The following ATAD1 variants were observed in gnomAD, a reference collection of about 807,000 sequenced individuals.
ATAD1 encodes ATPase family AAA domain containing 1.
Under a neutral mutation model 42.7 loss-of-function variants are expected in ATAD1, and 18 were observed. The observed-to-expected ratio is 0.42, with a 90% CI of 0.29 to 0.63. The LOEUF (loss-of-function observed/expected upper bound fraction) is 0.63. Among genes scored for constraint, ATAD1 ranks in the 20% least tolerant of loss-of-function variants. The probability of loss-of-function intolerance (pLI) is 0.19; values close to 1 mark genes in which losing one functional copy is unlikely to be tolerated. For missense variants in ATAD1, 294 were observed against 440.4 expected, an observed-to-expected ratio of 0.67 and a Z score of 2.98; for synonymous variants, 132 against 143.1, an observed-to-expected ratio of 0.92 and a Z score of 0.55.
At chr10:87,760,460 T>C (rs558097145) in intron 8 of ATAD1, among the ~76,000 whole-genome samples, 3 of 152,360 alleles carry the variant, frequency 2.0e-5, no homozygotes, top group South Asian at 4.1e-4. Flanking sequence ...CTCCCAGCCA[T>C]GCTTCCTGTA....
chr10:87,820,723 C>A (rs1355999379), upstream of ATAD1, among the ~76,000 whole-genome samples: 1 of 152,210 alleles, frequency 6.6e-6, no homozygotes, highest in South Asian at 2.1e-4. Context: ...ATGCCTACAC[C>A]TATATGTTTT....
At position 87,817,945 on chromosome 10, in the gene ATAD1, C is replaced by A. The variant is rs73354903; in HGVS notation, c.-14+222G>T. Reference sequence around the variant, plus strand: ...AAGAGCTAAGCAGACCCTAAGGGCCCAGGCCGGGCCGGACGCCAAGGCGAG... The same window carrying A: ...AAGAGCTAAGCAGACCCTAAGGGCCAAGGCCGGGCCGGACGCCAAGGCGAG... On this transcript the variant is annotated intron_variant, in intron 1 of 9. Transcript: ENST00000680024. The A allele has an allele frequency of 1.2e-3, 1,206 of 985,572 alleles. 8 individuals are homozygous for A. In the African/African-American group the frequency reaches 0.02, roughly 16 times the overall value. 61.1% of individuals were successfully genotyped at this position (985,572 alleles called of 1,614,324 possible). A position where few individuals can be genotyped will look rare whatever the true frequency, so the allele number is the denominator to read the frequency against.
chr10:87,771,217 C>T (rs550857030), intron 6 of ATAD1, among the ~76,000 whole-genome samples, 176 bp from the exon 7 acceptor site: 2 of 151,992 alleles, frequency 1.3e-5, no homozygotes, highest in African/African-American at 4.8e-5. Flanking sequence ...GAAGTTAATC[C>T]TAAATAAATC....
At position 87,785,129 on chromosome 10, in the gene ATAD1, T is replaced by C. The variant is rs557012783; in HGVS notation, c.383-459A>G. ...GTTTTAGCCAAAGGACATGTGCCTTTTTCCAAACAATCTTTTCCTAAAAGA... is the reference window on the plus strand; with the variant it reads ...GTTTTAGCCAAAGGACATGTGCCTTCTTCCAAACAATCTTTTCCTAAAAGA... On this transcript the variant is annotated intron_variant, in intron 4 of 9. Transcript: ENST00000680024. Among the ~76,000 whole-genome samples, 223 of 152,334 alleles carry C rather than the reference T, an allele frequency of 1.5e-3. 1 individual carries two copies. Among genetic ancestry groups the C allele is most frequent in the African/African-American group, 5.1e-3 (212 of 41,582 alleles).
At chr10:87,757,600 G>T (rs1854283594) in intron 8 of ATAD1, among the ~76,000 whole-genome samples, 1 of 152,108 alleles carries the variant, frequency 6.6e-6, no homozygotes, top group South Asian at 2.1e-4. Flanking sequence ...TTCATTTTCA[G>T]ATAAGAATCA....
chr10:87,799,833 T>C (rs1373195075), intron 2 of ATAD1, among the ~76,000 whole-genome samples: 1 of 151,826 alleles, frequency 6.6e-6, no homozygotes, highest in Non-Finnish European at 1.5e-5. Context: ...ACAATTTTTG[T>C]CTAATTCAAT....
chr10:87,756,732 A>T, intron 9 of ATAD1, 57 bp downstream of exon 9: 1 of 1,447,902 alleles, frequency 6.9e-7, no homozygotes, highest in Non-Finnish European at 9.2e-7. Flanking sequence ...AAAGAAACTA[A>T]CCTAAAAGCT....
At chr10:87,780,116 G>C in intron 5 of ATAD1, among the ~76,000 whole-genome samples, 1 of 152,146 alleles carries the variant, frequency 6.6e-6, no homozygotes, top group African/African-American at 2.4e-5. Context: ...CTACATAATA[G>C]AATATTATTT....
chr10:87,808,093 C>G (rs913702187), intron 2 of ATAD1, among the ~76,000 whole-genome samples: 1 of 152,098 alleles, frequency 6.6e-6, no homozygotes, highest in Admixed American at 6.6e-5. Flanking sequence ...ACAGAAACAG[C>G]TGATTTTCGT....
chr10:87,790,670 A>G (rs1408423632), intron 3 of ATAD1, among the ~76,000 whole-genome samples: 1 of 152,188 alleles, frequency 6.6e-6, no homozygotes, highest in Non-Finnish European at 1.5e-5. Context: ...GTACTCAAAA[A>G]TCTGCAAGGG....
chr10:87,836,961 TG>T (rs1857941861), intron 1 of ATAD1, among the ~76,000 whole-genome samples: 1 of 152,256 alleles, frequency 6.6e-6, no homozygotes, highest in East Asian at 1.9e-4. Context: ...ATTCTGTAAT[TG>T]AACCTATACA....
intron 8 of ATAD1, among the ~76,000 whole-genome samples, chr10:87,767,080 G>A (rs112751807): frequency 7.9e-4 from 120 of 152,224 alleles, no homozygotes; most frequent in African/African-American, 2.8e-3. Context: ...AAAAACAAAT[G>A]TATCTTACAT....
At chr10:87,806,152 A>G (rs930856035) in intron 2 of ATAD1, among the ~76,000 whole-genome samples, 2 of 152,102 alleles carry the variant, frequency 1.3e-5, no homozygotes, top group Admixed American at 6.6e-5. Context: ...TCAGTTGACA[A>G]TCACTGCCAC....
rs1301536529 is a variant in ATAD1 at position 87,754,785 on chromosome 10, G to A, written c.988C>T (p.Pro330Ser). 11 of 1,612,492 alleles carry A rather than the reference G, an allele frequency of 6.8e-6. No homozygotes were observed. Among genetic ancestry groups the A allele is most frequent in the Admixed American group, 1.7e-5 (1 of 59,920 alleles). The change falls in exon 10 of 10, where the codon CCT becomes TCT. Residue 330 changes from proline (P) to serine (S), a missense_variant. Pro to Ser is a moderately conservative substitution (Grantham distance 74). Around this residue, in one of 3 missense-constraint regions of ATAD1, gnomAD observed 142 missense variants for 174.6 expected, o/e 0.81. Coordinates refer to ENST00000680024, the MANE Select transcript of ATAD1 (RefSeq NM_001321967.2). ...CGATGCAGGTCCTGCTGTTGAACAG[G>A]CCGAATTTCATCTTCGTCATGGCTA... ...EESHDEDEIR[P>S]VQQQDLHRAI...
At chr10:87,757,245 G>A (rs2131752892) in intron 8 of ATAD1, among the ~76,000 whole-genome samples, 1 of 147,832 alleles carries the variant, frequency 6.8e-6, no homozygotes, top group African/African-American at 2.5e-5. Context: ...TACAGTACTT[G>A]GCAAATAACC....
chr10:87,758,165 G>A (rs1312136967), intron 8 of ATAD1, among the ~76,000 whole-genome samples: 2 of 152,068 alleles, frequency 1.3e-5, no homozygotes, highest in East Asian at 3.8e-4. Flanking sequence ...TAAGACAGAG[G>A]AGACATCTAC....
At chr10:87,780,128 G>A (rs1021532638) in intron 5 of ATAD1, among the ~76,000 whole-genome samples, 1 of 152,134 alleles carries the variant, frequency 6.6e-6, no homozygotes, top group Admixed American at 6.5e-5. Flanking sequence ...ATATTATTTA[G>A]CAATAAAAAT....
At chr10:87,777,510 CA>C (rs1855359675) in intron 5 of ATAD1, among the ~76,000 whole-genome samples, 1 of 151,302 alleles carries the variant, frequency 6.6e-6, no homozygotes. Flanking sequence ...AAATTATCTA[CA>C]ATGAACATGA....
intron 2 of ATAD1, among the ~76,000 whole-genome samples, chr10:87,812,944 A>C (rs1411018978): frequency 6.6e-6 from 1 of 152,200 alleles, no homozygotes; most frequent in South Asian, 2.1e-4. Flanking sequence ...TTCTGTCTAC[A>C]CTACTCAATA....
Sources: allele counts gnomAD v4.1 joint callset (sites outside exome capture counted in the v4.1 genomes callset), GRCh38; gene constraint gnomAD v4.1.1; regional missense constraint gnomAD v4.1.1; transcripts MANE v1.5; gene names NCBI Gene and HGNC (gene_info 2026-07-23, HGNC 2026-07-21).